Variants in RTN4 observed in about 807,000 individuals in gnomAD.
The protein encoded by RTN4 is reticulon 4, also known as reticulon-4.
RTN4 carries 32 observed loss-of-function variants against 90.4 expected under a neutral mutation model. The observed-to-expected ratio is 0.35, with a 90% CI of 0.27 to 0.48. RTN4 has a LOEUF of 0.48. Among genes scored for constraint, RTN4 ranks in the 20% least tolerant of loss-of-function variants. The pLI is 0.99. For missense variants in RTN4, 1,706 were observed against 1,430.2 expected (o/e 1.19, Z -3.11); for synonymous variants, 629 against 552.5 (o/e 1.14, Z -1.94).
chr2:54,973,225 A>G, intron 8 of RTN4, 27 bp from the exon 9 acceptor site: 1 of 1,584,142 alleles, frequency 6.3e-7, no homozygotes, highest in South Asian at 1.1e-5. Context: ...CAATGTAAAT[A>G]TCAGTTTTGT....
chr2:55,059,577 T>C (rs879703665), intron 2 of RTN4, among the ~76,000 whole-genome samples: 1 of 152,050 alleles, frequency 6.6e-6, no homozygotes, highest in Non-Finnish European at 1.5e-5. Flanking sequence ...CTCATGCTTA[T>C]AATCCCAGCA....
chr2:55,100,090 A>G (rs1341473416), intron 1 of RTN4, among the ~76,000 whole-genome samples: 1 of 152,292 alleles, frequency 6.6e-6, no homozygotes, highest in South Asian at 2.1e-4. Flanking sequence ...ACTTGCACAT[A>G]TTAGAACATT....
intron 1 of RTN4, among the ~76,000 whole-genome samples, chr2:55,096,137 A>C (rs1395698359): frequency 6.6e-6 from 1 of 152,046 alleles, no homozygotes; most frequent in Non-Finnish European, 1.5e-5. Context: ...GCCCAACCTA[A>C]CCAACATGGA....
chr2:55,109,556 T>A (rs1667999455), intron 1 of RTN4, among the ~76,000 whole-genome samples: 1 of 152,124 alleles, frequency 6.6e-6, no homozygotes, highest in African/African-American at 2.4e-5. Flanking sequence ...CCTCTGAAAA[T>A]ATTTGTTACT....
chr2:54,982,757 A>G, intron 4 of RTN4, 104 bp from the exon 5 acceptor site: 1 of 1,305,512 alleles, frequency 7.7e-7, no homozygotes, highest in Non-Finnish European at 1.0e-6. Context: ...ATATTCTACT[A>G]TAAAAGCCAA....
chr2:55,073,869 C>A (rs1668556295), intron 2 of RTN4, among the ~76,000 whole-genome samples: 1 of 152,176 alleles, frequency 6.6e-6, no homozygotes, highest in African/African-American at 2.4e-5. Flanking sequence ...GGTGGCAGTG[C>A]CAGGACCTGA....
At chr2:54,987,767 A>T (rs2104675230) in intron 3 of RTN4, 69 bp from the exon 4 acceptor site, 1 of 1,312,798 alleles carries the variant, frequency 7.6e-7, no homozygotes, top group Non-Finnish European at 1.1e-6. Context: ...CCATCTATGA[A>T]AACAAAAACG....
intron 3 of RTN4, 73 bp downstream of exon 3, chr2:55,025,013 A>G: frequency 6.7e-7 from 1 of 1,496,998 alleles, no homozygotes; most frequent in Non-Finnish European, 8.9e-7. Context: ...AATATAAAAC[A>G]CAAAATGTAG....
chr2:55,056,136 T>G (rs1386306500), intron 2 of RTN4, among the ~76,000 whole-genome samples: 7 of 151,968 alleles, frequency 4.6e-5, no homozygotes, highest in Admixed American at 2.0e-4. Flanking sequence ...AATAAACAAT[T>G]CATAAGTTTT....
intron 2 of RTN4, among the ~76,000 whole-genome samples, chr2:55,061,442 T>C (rs184889612): frequency 2.0e-5 from 3 of 152,332 alleles, no homozygotes; most frequent in Admixed American, 6.5e-5. Context: ...CCCATGCATA[T>C]TGAAATTTCT....
intron 1 of RTN4, among the ~76,000 whole-genome samples, chr2:55,041,035 TC>T (rs1683039071): frequency 6.6e-6 from 1 of 150,582 alleles, no homozygotes; most frequent in African/African-American, 2.4e-5. Context: ...CAGCTATAGC[TC>T]CTAATACAAG....
intron 3 of RTN4, among the ~76,000 whole-genome samples, chr2:54,991,268 A>T (rs914079131): frequency 1.3e-5 from 2 of 152,226 alleles, no homozygotes; most frequent in South Asian, 4.1e-4. Flanking sequence ...CAATGACTTT[A>T]GATTTGAGAG....
chr2:54,983,589 A>G (rs1678318089), intron 4 of RTN4, among the ~76,000 whole-genome samples: 2 of 152,254 alleles, frequency 1.3e-5, no homozygotes, highest in South Asian at 4.2e-4. Context: ...CCTCTGCAAC[A>G]TGCCCCAAAT....
At chr2:55,062,703 C>A (rs181717169) in intron 2 of RTN4, among the ~76,000 whole-genome samples, 83 of 152,306 alleles carry the variant, frequency 5.4e-4, no homozygotes, top group African/African-American at 1.9e-3. Context: ...CACTGTAAAG[C>A]TTTGTTCTTT....
At chr2:55,056,510 G>C (rs1211678846) in intron 2 of RTN4, 1 of 152,066 alleles carries the variant, frequency 6.6e-6, no homozygotes, top group African/African-American at 2.4e-5. Flanking sequence ...CAAATCACTT[G>C]AGGTCAGGAG....
intron 2 of RTN4, among the ~76,000 whole-genome samples, chr2:55,071,313 CAAT>C (rs1184119140): frequency 2.0e-5 from 3 of 151,810 alleles, no homozygotes; most frequent in African/African-American, 7.3e-5. Context: ...CAAATGGGAG[CAAT>C]AGTACCTTCC....
At chr2:54,977,345 T>G (rs1677716937) in intron 5 of RTN4, among the ~76,000 whole-genome samples, 1 of 151,842 alleles carries the variant, frequency 6.6e-6, no homozygotes, top group African/African-American at 2.4e-5. Flanking sequence ...AACAGCTGCC[T>G]ATGAGCCTGA....
intron 3 of RTN4, among the ~76,000 whole-genome samples, chr2:55,000,329 T>A (rs1573344791): frequency 6.6e-6 from 1 of 152,022 alleles, no homozygotes; most frequent in East Asian, 1.9e-4. Flanking sequence ...TTCCTTTAAC[T>A]AGAGTTTTTA....
At chr2:55,110,262 G>C (rs1668014565) in intron 1 of RTN4, among the ~76,000 whole-genome samples, 1 of 145,990 alleles carries the variant, frequency 6.8e-6, no homozygotes, top group South Asian at 2.2e-4. Context: ...AGTGAGCCGA[G>C]TTTCTGCCAC....
Sources: gnomAD v4.1 joint callset for allele counts (sites outside exome capture counted in the v4.1 genomes callset) on GRCh38, gnomAD v4.1.1 for gene constraint, MANE v1.5 for transcripts, NCBI Gene and HGNC (gene_info 2026-07-23, HGNC 2026-07-21) for gene names.